The following TESK2 variants were observed in gnomAD, a reference collection of about 807,000 sequenced individuals.
TESK2 encodes testis associated actin remodelling kinase 2, also known as dual specificity testis-specific protein kinase 2.
TESK2 carries 39 observed loss-of-function variants against 57.1 expected under a neutral mutation model. The ratio of observed to expected loss-of-function variants is 0.68; its 90% CI spans 0.53 to 0.89. TESK2 has a LOEUF of 0.89. Ranked by LOEUF, TESK2 falls within the 40% of genes least tolerant of loss-of-function variation. TESK2 has a pLI of 0.00. For synonymous variants in TESK2, 249 were observed against 267.9 expected, an observed-to-expected ratio of 0.93 and a Z score of 0.69; for missense variants, 646 against 732.1, an observed-to-expected ratio of 0.88 and a Z score of 1.36.
At chr1:45,460,548 A>T (rs1277214840) in intron 1 of TESK2, among the ~76,000 whole-genome samples, 1 of 152,106 alleles carries the variant, frequency 6.6e-6, no homozygotes, top group East Asian at 1.9e-4. Flanking sequence ...TAATAAAAAT[A>T]AAATAAAATA....
chr1:45,354,805 AAAAAAAAAAAATATAT>A (rs1647339878), intron 5 of TESK2, among the ~76,000 whole-genome samples: 1 of 67,440 alleles, frequency 1.5e-5, no homozygotes, highest in Non-Finnish European at 2.6e-5. Context: ...AAAAAAAAAA[AAAAAAAAAAAATATAT>A]ATATATATAT....
At chr1:45,355,612 T>G (rs1223687315) in intron 4 of TESK2, among the ~76,000 whole-genome samples, 163 bp from the exon 5 acceptor site, 1 of 152,148 alleles carries the variant, frequency 6.6e-6, no homozygotes, top group African/African-American at 2.4e-5. Context: ...CTGCACACAA[T>G]GACACTTTCC....
intron 2 of TESK2, among the ~76,000 whole-genome samples, chr1:45,429,383 G>T (rs759803606): frequency 2.6e-5 from 4 of 151,816 alleles, no homozygotes; most frequent in Admixed American, 6.6e-5. Context: ...GTGACAGAGC[G>T]CAACTCCATC....
In TESK2 at chr1:45,480,105, T is replaced by C. The variant is rs548829011; in HGVS notation, c.-87+10747A>G. Among the ~76,000 whole-genome samples the C allele has an allele frequency of 5.6e-4, 84 of 151,096 alleles. No homozygotes were observed. The East Asian group carries it at 0.013, about 24-fold the overall frequency. ...CCAAAAAGTGCTGGGATTATAGGCG[T>C]GAGCCACCACGCCCAGTCAGGCTCT... On this transcript the variant is annotated intron_variant, in intron 1 of 10. Coordinates refer to ENST00000372086, the MANE Select transcript of TESK2 (RefSeq NM_007170.3).
intron 3 of TESK2, among the ~76,000 whole-genome samples, chr1:45,391,346 T>C (rs1200102777): frequency 6.6e-6 from 1 of 151,522 alleles, no homozygotes; most frequent in Non-Finnish European, 1.5e-5. Flanking sequence ...GCCTCCTGAG[T>C]AGCTGGGACT....
In TESK2 at chr1:45,482,916, G is replaced by A. The variant is rs1007016783; in HGVS notation, c.-87+7936C>T. On this transcript the variant is annotated intron_variant, in intron 1 of 10. Coordinates refer to ENST00000372086, the MANE Select transcript of TESK2 (RefSeq NM_007170.3). ...AATTGCTTGAACCCAGGAGGTGGAG[G>A]TTGCAGTGAGCTGAGATGGCGCCAT... Among the ~76,000 whole-genome samples, 3 of 146,042 alleles carry A rather than the reference G, an allele frequency of 2.1e-5. No individual in the cohort carries two copies. The Admixed American group carries it at 2.1e-4, about 10-fold the overall frequency.
chr1:45,444,277 G>C (rs1273627557), intron 2 of TESK2, among the ~76,000 whole-genome samples: 2 of 151,614 alleles, frequency 1.3e-5, no homozygotes, highest in Non-Finnish European at 2.9e-5. Flanking sequence ...TAAAACTTTG[G>C]TCCAAGGGCT....
intron 3 of TESK2, among the ~76,000 whole-genome samples, chr1:45,409,528 C>T (rs1054079748): frequency 1.3e-5 from 2 of 152,140 alleles, no homozygotes; most frequent in African/African-American, 4.8e-5. Context: ...TGACAAAAAG[C>T]TGTATTAGGA....
intron 1 of TESK2, among the ~76,000 whole-genome samples, chr1:45,465,333 C>A (rs1652499868): frequency 6.6e-6 from 1 of 151,912 alleles, no homozygotes; most frequent in South Asian, 2.1e-4. Flanking sequence ...ATCACTTGAA[C>A]CCATGAGGCA....
chr1:45,392,476 G>T (rs1001036456), intron 3 of TESK2, among the ~76,000 whole-genome samples: 1 of 152,118 alleles, frequency 6.6e-6, no homozygotes, highest in Admixed American at 6.5e-5. Flanking sequence ...GCAGAAGCTG[G>T]CGGATCACCT....
At chr1:45,355,831 G>A (rs1647395804) in intron 4 of TESK2, among the ~76,000 whole-genome samples, 2 of 152,134 alleles carry the variant, frequency 1.3e-5, no homozygotes, top group South Asian at 4.1e-4. Flanking sequence ...AAGACACAGA[G>A]GGAGCAGCAT....
At chr1:45,434,845 AAT>A (rs1430293811) in intron 2 of TESK2, among the ~76,000 whole-genome samples, 1 of 151,972 alleles carries the variant, frequency 6.6e-6, no homozygotes, top group African/African-American at 2.4e-5. Context: ...TTTTTAGTCT[AAT>A]ATAGTCCCAT....
chr1:45,394,164 A>C (rs1249975856), intron 3 of TESK2, among the ~76,000 whole-genome samples: 1 of 151,418 alleles, frequency 6.6e-6, no homozygotes, highest in African/African-American at 2.4e-5. Flanking sequence ...TTTTTGAGAC[A>C]AGGTCTTGCT....
chr1:45,472,924 T>C (rs1427857921), intron 1 of TESK2, among the ~76,000 whole-genome samples: 1 of 147,998 alleles, frequency 6.8e-6, no homozygotes, highest in Non-Finnish European at 1.5e-5. Flanking sequence ...GATCACAAGG[T>C]CAGGAGATTG....
intron 7 of TESK2, 95 bp downstream of exon 7, chr1:45,347,514 G>T: frequency 1.7e-6 from 2 of 1,157,494 alleles, no homozygotes; most frequent in Non-Finnish European, 2.5e-6. Flanking sequence ...CCGAGATCGT[G>T]CCACTGCATT....
intron 9 of TESK2, 86 bp downstream of exon 9, chr1:45,346,607 A>C: frequency 8.7e-7 from 1 of 1,147,882 alleles, no homozygotes. Context: ...TCATGAAGCT[A>C]ATTAGCAGCC....
intron 4 of TESK2, among the ~76,000 whole-genome samples, chr1:45,375,712 A>G (rs1440652798): frequency 6.6e-6 from 1 of 152,178 alleles, no homozygotes; most frequent in African/African-American, 2.4e-5. Flanking sequence ...CAACACAGCA[A>G]GACCCATGTC....
At chr1:45,398,116 C>T (rs556630566) in intron 3 of TESK2, among the ~76,000 whole-genome samples, 86 of 152,092 alleles carry the variant, frequency 5.7e-4, no homozygotes, top group Middle Eastern at 3.4e-3. Flanking sequence ...CTTATGTTGT[C>T]CAGGCTACTC....
At chr1:45,356,207 A>T (rs1033792821) in intron 4 of TESK2, among the ~76,000 whole-genome samples, 1 of 125,620 alleles carries the variant, frequency 8.0e-6, no homozygotes, top group African/African-American at 4.3e-5. Context: ...TGGCAGAATT[A>T]AAAAAAAAAA....
Sources: gnomAD v4.1 joint callset for allele counts (sites outside exome capture counted in the v4.1 genomes callset) on GRCh38, gnomAD v4.1.1 for gene constraint, MANE v1.5 for transcripts, NCBI Gene and HGNC (gene_info 2026-07-23, HGNC 2026-07-21) for gene names.